PITPNM2: variants seen among roughly 807,000 people sequenced by gnomAD.
The protein encoded by PITPNM2 is membrane-associated phosphatidylinositol transfer protein 2.
A neutral mutation model predicts 132.2 loss-of-function variants in PITPNM2; 35 were observed. The observed-to-expected ratio is 0.26, with a 90% CI of 0.20 to 0.35. PITPNM2 has a LOEUF of 0.35. Ranked by LOEUF, PITPNM2 falls within the 10% of genes least tolerant of loss-of-function variation. PITPNM2 has a pLI of 1.00. For synonymous variants in PITPNM2, 738 were observed against 799.2 expected, an observed-to-expected ratio of 0.92 and a Z score of 1.29; for missense variants, 1,332 against 1,912.0, an observed-to-expected ratio of 0.70 and a Z score of 5.66.
At position 123,077,684 on chromosome 12, in the gene PITPNM2, T is replaced by C. The variant is rs1308372168; in HGVS notation, c.-96+32701A>G. On this transcript the variant is annotated intron_variant, in intron 2 of 25. Coordinates refer to ENST00000320201, the MANE Select transcript of PITPNM2 (RefSeq NM_020845.3). This position sits in a 1 kb window ranked among gnomAD's most constrained non-coding sequence, Gnocchi z 4.8. ...GCCTCTCCCTCTCTCTCTCCCTCCATCCCAGCTCTTCGGAGAGAAAGCAAG... is the reference window on the plus strand; with the variant it reads ...GCCTCTCCCTCTCTCTCTCCCTCCACCCCAGCTCTTCGGAGAGAAAGCAAG... Among the ~76,000 whole-genome samples the C allele has an allele frequency of 6.6e-6, 1 of 152,154 alleles. No individual in the cohort carries two copies. The highest frequency in any genetic ancestry group is 1.9e-4 in the East Asian group (1 of 5,190).
chr12:123,026,493 C>T (rs955318542), intron 3 of PITPNM2, among the ~76,000 whole-genome samples: 3 of 152,222 alleles, frequency 2.0e-5, no homozygotes, highest in Admixed American at 1.3e-4. Flanking sequence ...GTTATGGCAG[C>T]GCCAGGAAAT....
chr12:123,047,154 G>A lies in PITPNM2; in HGVS notation c.-95-12469C>T, dbSNP rs1384732506. ...ATATTCCAGGCTAAAGCTATGTATT[G>A]ATGCGTGAAAGGTGGCTGCACCTGA... On this transcript the variant is annotated intron_variant, in intron 2 of 25. Transcript: ENST00000320201. Among the ~76,000 whole-genome samples the A allele has an allele frequency of 2.6e-5, 4 of 152,190 alleles. No individual in the cohort carries two copies. In the East Asian group the frequency reaches 7.7e-4, roughly 29 times the overall value.
Position 122,988,796 on chromosome 12 carries a change from C to A in PITPNM2, c.2808G>T (p.Thr936=). ...YCPDALTAFP[T]VALPHLFHAS... ...CGTGGAAGAGGTGAGGCAGAGCCAC[C>A]GTGGGGAAGGCCGTGAGGGCGTCAG... is the stretch of plus-strand genomic sequence containing the variant. The change falls in exon 19 of 26, where the codon ACG becomes ACT. Residue 936 remains threonine (T), a synonymous_variant. Transcript: ENST00000320201. 6.3e-7 allele frequency: 1 copy of A among 1,584,552 alleles called. No homozygotes were observed.
At chr12:123,068,744 A>C (rs1422591639) in intron 2 of PITPNM2, among the ~76,000 whole-genome samples, 1 of 152,186 alleles carries the variant, frequency 6.6e-6, no homozygotes, top group African/African-American at 2.4e-5. Context: ...TTTCTCTGAG[A>C]TTCTGCAGAG....
At chr12:123,043,635 G>A (rs1007509114) in intron 2 of PITPNM2, among the ~76,000 whole-genome samples, 4 of 152,262 alleles carry the variant, frequency 2.6e-5, no homozygotes, top group Non-Finnish European at 4.4e-5. Context: ...TGGGGGCACC[G>A]TGGGGCTTGC....
At chr12:123,029,329 C>T (rs1459464871) in intron 3 of PITPNM2, among the ~76,000 whole-genome samples, 1 of 152,228 alleles carries the variant, frequency 6.6e-6, no homozygotes, top group African/African-American at 2.4e-5. Context: ...TGGCTCATGC[C>T]TGTAATCCCA....
At chr12:123,102,335 G>A (rs2042582130) in intron 2 of PITPNM2, among the ~76,000 whole-genome samples, 1 of 152,210 alleles carries the variant, frequency 6.6e-6, no homozygotes, top group South Asian at 2.1e-4. Flanking sequence ...ACTAAGAAGT[G>A]GCCTTCTGCA....
chr12:123,145,453 G>A (rs144006668), intron 1 of PITPNM2, among the ~76,000 whole-genome samples: 104 of 152,244 alleles, frequency 6.8e-4, no homozygotes, highest in Non-Finnish European at 1.1e-3. Context: ...TCCCGCTGAC[G>A]TCCCTGATCA....
chr12:123,070,799 G>A (rs1002092839), intron 2 of PITPNM2, among the ~76,000 whole-genome samples: 2 of 152,080 alleles, frequency 1.3e-5, no homozygotes, highest in Non-Finnish European at 2.9e-5. Flanking sequence ...GGCTAGTTGT[G>A]GGGGCAGCCC....
chr12:122,988,417 G>A, intron 19 of PITPNM2, 67 bp from the exon 20 acceptor site: 1 of 1,365,322 alleles, frequency 7.3e-7, no homozygotes, highest in Non-Finnish European at 1.0e-6. Flanking sequence ...CCTGGGAGGA[G>A]GAGGCCCAGT....
chr12:123,011,582 G>A (rs1566246168), intron 5 of PITPNM2, among the ~76,000 whole-genome samples: 1 of 152,182 alleles, frequency 6.6e-6, no homozygotes, highest in Non-Finnish European at 1.5e-5. Flanking sequence ...TTTTCAAAGA[G>A]GTAATCAAGT....
Position 123,009,806 on chromosome 12 carries a change from GT to G in PITPNM2, c.643+43del. 1 of 1,556,386 alleles carries G rather than the reference GT, an allele frequency of 6.4e-7. No individual in the cohort carries two copies. The highest frequency in any genetic ancestry group is 8.9e-7 in the Non-Finnish European group (1 of 1,128,260). On this transcript the variant is annotated intron_variant, in intron 6 of 25. Coordinates refer to ENST00000320201, the MANE Select transcript of PITPNM2 (RefSeq NM_020845.3). This position sits in a 1 kb window ranked among gnomAD's most constrained non-coding sequence, Gnocchi z 4.8. ...CAGGCAGGTGACAGGAGACAGAGGG[GT>G]TGGGTAGCCCAGCCACTGCCCACCT...
At chr12:123,026,367 G>A (rs896759864) in intron 3 of PITPNM2, among the ~76,000 whole-genome samples, 3 of 152,254 alleles carry the variant, frequency 2.0e-5, no homozygotes, top group Admixed American at 6.5e-5. Flanking sequence ...GGGTCTACCC[G>A]TAGAACCTTT....
rs2037862334 is a variant in PITPNM2 at position 122,984,652 on chromosome 12, T to G, written c.*1375A>C. 1 of 152,090 alleles carries G rather than the reference T, an allele frequency of 6.6e-6. No homozygotes were observed. Among genetic ancestry groups the G allele is most frequent in the African/African-American group, 2.4e-5 (1 of 41,444 alleles). 9.4% of individuals were successfully genotyped at this position (152,090 alleles called of 1,614,324 possible). On this transcript the variant is annotated 3_prime_UTR_variant, in exon 26 of 26. Coordinates refer to ENST00000320201, the MANE Select transcript of PITPNM2 (RefSeq NM_020845.3). ...AAAAGTTAACATCACTCTGTGCACC[T>G]CCCCAGCCCGGTCCATGCGTCCCAA... is the stretch of plus-strand genomic sequence containing the variant.
chr12:123,013,994 G>T lies in PITPNM2; in HGVS notation c.127C>A (p.Leu43Met). Residue 43 changes from leucine to methionine, a missense_variant, in exon 4 of 26, where the codon CTG becomes ATG. Transcript: ENST00000320201. ...CCATCTGTGTACGGCCGGTTCTCCAGGATCTCCACGCCGCTGCCTTCGCCA... is the reference window on the plus strand; with the variant it reads ...CCATCTGTGTACGGCCGGTTCTCCATGATCTCCACGCCGCTGCCTTCGCCA... ...TYGEGSGVEI[L>M]ENRPYTDGPG... is the part of the protein sequence containing the mutation. 1 of 1,614,252 alleles carries T rather than the reference G, an allele frequency of 6.2e-7. No homozygotes were observed. The highest frequency in any genetic ancestry group is 8.5e-7 in the Non-Finnish European group (1 of 1,180,044).
intron 1 of PITPNM2, among the ~76,000 whole-genome samples, chr12:123,140,554 T>C (rs2043483922): frequency 6.6e-6 from 1 of 152,112 alleles, no homozygotes; most frequent in African/African-American, 2.4e-5. Context: ...AACTGTGCTC[T>C]TTTTAAAAAA....
At chr12:123,034,189 C>T (rs920169191) in intron 3 of PITPNM2, 1 of 281,598 alleles carries the variant, frequency 3.6e-6, no homozygotes, top group Non-Finnish European at 6.7e-6. Context: ...CTGATGGCAG[C>T]CCAGGCAAAC....
At position 123,000,297 on chromosome 12, in the gene PITPNM2, C is replaced by T. The variant is rs886698439; in HGVS notation, c.1224+481G>A. On this transcript the variant is annotated intron_variant, in intron 10 of 25. Transcript: ENST00000320201. This position sits in a 1 kb window ranked among gnomAD's most constrained non-coding sequence, Gnocchi z 5.4. ...CCACAGAGAACCCCCGAAGCGGATA[C>T]AGGCGCTCTACCAAGACAGTTTTAT... is the stretch of plus-strand genomic sequence containing the variant. The T allele has an allele frequency of 1.5e-5, 10 of 651,544 alleles. No individual in the cohort carries two copies. The highest frequency in any genetic ancestry group is 1.5e-4 in the African/African-American group (8 of 55,090). 40.4% of individuals were successfully genotyped at this position (651,544 alleles called of 1,614,324 possible). A position where few individuals can be genotyped will look rare whatever the true frequency, so the allele number is the denominator to read the frequency against.
intron 2 of PITPNM2, among the ~76,000 whole-genome samples, chr12:123,039,832 A>G (rs1047595710): frequency 1.3e-5 from 2 of 152,176 alleles, no homozygotes; most frequent in South Asian, 2.1e-4. Context: ...CTGTGAATCT[A>G]AAACAGCTCT....
Sources: allele counts gnomAD v4.1 joint callset (sites outside exome capture counted in the v4.1 genomes callset), GRCh38; gene constraint gnomAD v4.1.1; non-coding constraint Gnocchi (gnomAD v3.1); transcripts MANE v1.5; gene names NCBI Gene and HGNC (gene_info 2026-07-23, HGNC 2026-07-21).